The following CCDC73 variants were observed in gnomAD, a reference collection of about 807,000 sequenced individuals.
The protein encoded by CCDC73 is coiled-coil domain containing 73, also known as coiled-coil domain-containing protein 73.
In CCDC73, 95 loss-of-function variants were observed where a neutral mutation model predicts 116.5. That is an observed-to-expected ratio of 0.82 (90% confidence interval 0.69 to 0.97). The LOEUF is 0.97. Among genes scored for constraint, CCDC73 ranks in the 50% least tolerant of loss-of-function variants. CCDC73 has a pLI of 0.00. For synonymous variants in CCDC73, 398 were observed against 401.3 expected (o/e 0.99, Z 0.10); for missense variants, 1,066 against 1,206.8 (o/e 0.88, Z 1.73).
chr11:32,738,864 T>C (rs12805597), intron 2 of CCDC73, among the ~76,000 whole-genome samples: 2 of 152,240 alleles, frequency 1.3e-5, no homozygotes, highest in East Asian at 3.8e-4. Context: ...TCCATTTTGG[T>C]TTTGTTTTTG....
rs1849771437 is a variant in CCDC73 at position 32,698,010 on chromosome 11, A to ATTTTTTTTTTTTTT, written c.390+1240_390+1241insAAAAAAAAAAAAAA. On this transcript the variant is annotated intron_variant, in intron 6 of 17. Coordinates refer to ENST00000335185, the MANE Select transcript of CCDC73 (RefSeq NM_001008391.4). ...TCTGTTGTTTCTTTGTCTAACACTG[A>ATTTTTTTTTTTTTT]ATTTTTTTTTTTTTTTTTTTTTTTT... is the stretch of plus-strand genomic sequence containing the variant. Among the ~76,000 whole-genome samples the ATTTTTTTTTTTTTT allele has an allele frequency of 1.7e-5, 2 of 117,758 alleles. 1 individual carries two copies. The allele number at this position is 117,758 out of a possible 152,430, so 77.3% of individuals were successfully genotyped here.
intron 2 of CCDC73, among the ~76,000 whole-genome samples, chr11:32,752,262 T>C (rs1363311468): frequency 5.3e-5 from 8 of 152,194 alleles, no homozygotes; most frequent in African/African-American, 1.7e-4. Context: ...TGAAATATGG[T>C]TCATTGGGAG....
chr11:32,695,761 T>A (rs1856304679), intron 6 of CCDC73, among the ~76,000 whole-genome samples: 1 of 139,644 alleles, frequency 7.2e-6, no homozygotes, highest in South Asian at 2.4e-4. Context: ...TGTAGTAATT[T>A]TTAGTTTGGT....
At chr11:32,731,514 A>G (rs1486842766) in intron 2 of CCDC73, among the ~76,000 whole-genome samples, 4 of 152,230 alleles carry the variant, frequency 2.6e-5, no homozygotes, top group African/African-American at 9.6e-5. Flanking sequence ...GGCACTTCCC[A>G]GTAGGCGCTA....
intron 2 of CCDC73, among the ~76,000 whole-genome samples, chr11:32,735,210 G>C (rs1850117742): frequency 6.6e-6 from 1 of 152,152 alleles, no homozygotes; most frequent in Non-Finnish European, 1.5e-5. Flanking sequence ...TATTCAATTA[G>C]GGAAAGAGGA....
At chr11:32,651,972 C>T (rs1855829673) in intron 12 of CCDC73, among the ~76,000 whole-genome samples, 3 of 152,196 alleles carry the variant, frequency 2.0e-5, no homozygotes, top group African/African-American at 7.2e-5. Flanking sequence ...CCTGCTCCTC[C>T]ACTAATCTCC....
At chr11:32,613,175 G>A (rs1855437914) in intron 16 of CCDC73, among the ~76,000 whole-genome samples, 1 of 152,174 alleles carries the variant, frequency 6.6e-6, no homozygotes, top group Admixed American at 6.6e-5. Flanking sequence ...TGTTCTAAGG[G>A]AAGGAAGTTT....
chr11:32,777,023 A>AT (rs1590643001), intron 1 of CCDC73, among the ~76,000 whole-genome samples: 4 of 136,338 alleles, frequency 2.9e-5, no homozygotes, highest in African/African-American at 5.5e-5. Flanking sequence ...ATATATATAT[A>AT]ATTGAACTTA....
intron 9 of CCDC73, 40 bp from the exon 10 acceptor site, chr11:32,655,012 T>A: frequency 8.4e-7 from 1 of 1,197,430 alleles, no homozygotes; most frequent in Non-Finnish European, 1.1e-6. Flanking sequence ...TCAGTACACA[T>A]ATTTCACTAA....
intron 1 of CCDC73, among the ~76,000 whole-genome samples, chr11:32,767,360 T>C (rs1850452282): frequency 6.6e-6 from 1 of 152,174 alleles, no homozygotes; most frequent in Admixed American, 6.5e-5. Context: ...CCTAAAACCA[T>C]AAAAACTCTA....
the CCDC73 span, among the ~76,000 whole-genome samples, chr11:32,827,777 G>A: frequency 6.6e-6 from 1 of 152,228 alleles, no homozygotes; most frequent in African/African-American, 2.4e-5. Flanking sequence ...CACATTCTCA[G>A]ATATAGGTCT....
chr11:32,602,945 C>T lies in CCDC73; in HGVS notation c.3106G>A (p.Gly1036Ser), dbSNP rs772094086. 8 of 1,613,428 alleles carry T rather than the reference C, an allele frequency of 5.0e-6. No individual in the cohort carries two copies. Among genetic ancestry groups the T allele is most frequent in the South Asian group, 1.1e-5 (1 of 90,958 alleles). The change falls in exon 18 of 18, where the codon GGT becomes AGT. Residue 1036 changes from glycine to serine, a missense_variant. By Grantham distance (56) the Gly-to-Ser change is moderately conservative (BLOSUM62 0). Transcript: ENST00000335185. ...ATGAGGCTCTGCCAGTCATCATCAC[C>T]AGAAGTATTTTTAGTCGTCTTGATT... ...QAIKTTKNTS[G>S]DDDWQSLITN...
At chr11:32,672,605 AT>A (rs1392491691) in intron 9 of CCDC73, among the ~76,000 whole-genome samples, 1 of 152,184 alleles carries the variant, frequency 6.6e-6, no homozygotes, top group African/African-American at 2.4e-5. Context: ...TTTAATAGTT[AT>A]TTATATTTGT....
chr11:32,694,971 G>GT (rs1310762010), intron 6 of CCDC73, among the ~76,000 whole-genome samples: 6 of 152,164 alleles, frequency 3.9e-5, no homozygotes, highest in African/African-American at 1.4e-4. Context: ...AACTGTTGCC[G>GT]TAAGTGACTT....
chr11:32,711,934 GCA>G (rs1001555151), intron 3 of CCDC73, among the ~76,000 whole-genome samples: 9 of 152,196 alleles, frequency 5.9e-5, no homozygotes, highest in African/African-American at 2.2e-4. Context: ...AGACCTAGTG[GCA>G]AAAGCCAGCT....
At chr11:32,761,852 C>G (rs1021963996) in intron 1 of CCDC73, among the ~76,000 whole-genome samples, 1 of 152,044 alleles carries the variant, frequency 6.6e-6, no homozygotes, top group African/African-American at 2.4e-5. Context: ...TTAGGGCTGA[C>G]CAGCAGGCTA....
In CCDC73 at chr11:32,613,411, T is replaced by G. The variant is rs1361089330; in HGVS notation, c.2896+11A>C. The stretch of plus-strand genomic sequence containing the variant: ...TATTTTGAGAATTAAAACATTACTT[T>G]GTTTTCTTACCTGGTCCAATATCCT... On this transcript the variant is annotated intron_variant, in intron 16 of 17. Transcript: ENST00000335185. The G allele has an allele frequency of 3.2e-6, 5 of 1,571,918 alleles. No homozygotes were observed. In the African/African-American group the frequency reaches 5.5e-5, roughly 17 times the overall value.
chr11:32,763,339 GC>G (rs1454430329), intron 1 of CCDC73, among the ~76,000 whole-genome samples: 2 of 152,170 alleles, frequency 1.3e-5, no homozygotes, highest in East Asian at 1.9e-4. Flanking sequence ...TAACTGGGAG[GC>G]CCCCCAGTAG....
rs1855556662 is a variant in CCDC73 at position 32,624,963 on chromosome 11, T to TA, written c.1186-8835dup. ...ACCAAACACCGCACGTTCTCACTCA[T>TA]AGGTGGGAATTAAACAATGAGAACA... is the stretch of plus-strand genomic sequence containing the variant. On this transcript the variant is annotated intron_variant, in intron 14 of 17. Transcript: ENST00000335185. 2.6e-5 allele frequency among the ~76,000 whole-genome samples: 4 copies of TA among 152,350 alleles called. No homozygotes were observed. In the South Asian group the frequency reaches 8.3e-4, roughly 32 times the overall value.
Sources: gnomAD v4.1 joint callset for allele counts (sites outside exome capture counted in the v4.1 genomes callset) on GRCh38, gnomAD v4.1.1 for gene constraint, MANE v1.5 for transcripts, NCBI Gene and HGNC (gene_info 2026-07-23, HGNC 2026-07-21) for gene names.